EIF4ENIF1: variants seen among roughly 807,000 people sequenced by gnomAD.
EIF4ENIF1 encodes eukaryotic translation initiation factor 4E nuclear import factor 1.
A neutral mutation model predicts 110.5 loss-of-function variants in EIF4ENIF1; 23 were observed. That is an observed-to-expected ratio of 0.21 (90% CI 0.15 to 0.29). The LOEUF (loss-of-function observed/expected upper bound fraction) is 0.29. Ranked by LOEUF, EIF4ENIF1 falls within the 10% of genes least tolerant of loss-of-function variation. The pLI is 1.00. For synonymous variants in EIF4ENIF1, 440 were observed against 437.0 expected (o/e 1.01, Z -0.09); for missense variants, 1,031 against 1,221.1 (o/e 0.84, Z 2.32).
At chr22:31,470,681 A>G (rs1394106369) in intron 3 of EIF4ENIF1, among the ~76,000 whole-genome samples, 1 of 147,914 alleles carries the variant, frequency 6.8e-6, no homozygotes, top group African/African-American at 2.5e-5. Context: ...CTGGTTAAAT[A>G]GGACTTTTTT....
chr22:31,446,907 C>G (rs2050496462), intron 14 of EIF4ENIF1: 1 of 427,454 alleles, frequency 2.3e-6, no homozygotes, highest in Non-Finnish European at 4.7e-6. Context: ...GAACTCAGTA[C>G]TCTACTTGTT....
chr22:31,487,796 A>C (rs2052100293), intron 2 of EIF4ENIF1, among the ~76,000 whole-genome samples: 1 of 147,306 alleles, frequency 6.8e-6, no homozygotes, highest in East Asian at 2.0e-4. Flanking sequence ...TCGGGTGCAA[A>C]AAAAAAAAAA....
At chr22:31,452,840 C>G (rs1340170434) in intron 10 of EIF4ENIF1, among the ~76,000 whole-genome samples, 1 of 152,198 alleles carries the variant, frequency 6.6e-6, no homozygotes, top group Non-Finnish European at 1.5e-5. Flanking sequence ...AGTCAGTCTA[C>G]CTATCTGAGG....
chr22:31,491,383 C>T (rs2052275956), upstream of EIF4ENIF1, among the ~76,000 whole-genome samples: 1 of 152,098 alleles, frequency 6.6e-6, no homozygotes, highest in Non-Finnish European at 1.5e-5. Context: ...TTGGAGACTC[C>T]CTGGAGTAGT....
chr22:31,451,440 A>AT (rs746661815), intron 10 of EIF4ENIF1, among the ~76,000 whole-genome samples: 287 of 141,576 alleles, frequency 2.0e-3, no homozygotes, highest in South Asian at 4.0e-3. Flanking sequence ...CGCCCAGCTA[A>AT]TTTTTTTTTT....
intron 8 of EIF4ENIF1, among the ~76,000 whole-genome samples, 196 bp downstream of exon 8, chr22:31,455,656 C>T (rs1216115835): frequency 6.6e-6 from 1 of 152,126 alleles, no homozygotes; most frequent in Non-Finnish European, 1.5e-5. Flanking sequence ...CCTTGGCCTC[C>T]CAAAGTGCTG....
intron 3 of EIF4ENIF1, among the ~76,000 whole-genome samples, chr22:31,469,307 C>T (rs376864829): frequency 2.6e-5 from 4 of 152,196 alleles, no homozygotes; most frequent in Non-Finnish European, 2.9e-5. Flanking sequence ...ACACTAGCAA[C>T]GTACTTCACA....
At position 31,454,260 on chromosome 22, in the gene EIF4ENIF1, A is replaced by G. The variant is rs148973887; in HGVS notation, c.1396T>C (p.Leu466=). The G allele has an allele frequency of 7.0e-5, 113 of 1,614,118 alleles. No individual in the cohort carries two copies. In the African/African-American group the frequency reaches 1.3e-3, roughly 19 times the overall value. Residue 466 remains leucine (L), a synonymous_variant, in exon 10 of 19, where the codon TTG becomes CTG. Coordinates refer to ENST00000330125, the MANE Select transcript of EIF4ENIF1 (RefSeq NM_019843.4). Reference sequence around the variant, plus strand: ...TGTCGATTGTTGGTTACGGCACTCAAGGTCTCTTCTAGGTGTTCTGCCATG... The same window carrying G: ...TGTCGATTGTTGGTTACGGCACTCAGGGTCTCTTCTAGGTGTTCTGCCATG... ...PFMAEHLEET[L]SAVTNNRQLK... is the part of the protein sequence containing the mutation.
chr22:31,441,550 G>GAAAAAAAAAAAAAAAAAAAAAAAA (rs771597260), intron 17 of EIF4ENIF1, among the ~76,000 whole-genome samples: 27 of 65,246 alleles, frequency 4.1e-4, no homozygotes, highest in African/African-American at 1.5e-3. Flanking sequence ...CTACAAAAAG[G>GAAAAAAAAAAAAAAAAAAAAAAAA]AAAAAAAAAA....
intron 10 of EIF4ENIF1, among the ~76,000 whole-genome samples, chr22:31,451,440 A>ATT (rs746661815): frequency 7.1e-6 from 1 of 141,696 alleles, no homozygotes; most frequent in Non-Finnish European, 1.5e-5. Context: ...CGCCCAGCTA[A>ATT]TTTTTTTTTT....
rs775041393 is a variant in EIF4ENIF1, at chr22:31,441,918, G to A, written c.2407C>T (p.Pro803Ser). ...PTLASPVPTT[P>S]FLRPVHQVPL... ...ACTTGGTGGACAGGGCGGAGAAAAG[G>A]TGTTGTAGGAACTGGGGATGCCAAG... The change falls in exon 17 of 19, where the codon CCT (proline) becomes TCT (serine). Residue 803 changes from proline (P) to serine (S), a missense_variant. Pro to Ser is a moderately conservative substitution (Grantham distance 74, BLOSUM62 -1). Around this residue, in one of 3 missense-constraint regions of EIF4ENIF1, gnomAD observed 309 missense variants for 299.1 expected, o/e 1.03. Transcript: ENST00000330125. The A allele has an allele frequency of 6.2e-7, 1 of 1,614,192 alleles. No homozygotes were observed. Among genetic ancestry groups the A allele is most frequent in the Admixed American group, 1.7e-5 (1 of 60,020 alleles).
rs1158245562 is a variant in EIF4ENIF1, at chr22:31,468,311, CA to C, written c.171-10del. 8 of 1,613,918 alleles carry C rather than the reference CA, an allele frequency of 5.0e-6. No individual in the cohort carries two copies. The highest frequency in any genetic ancestry group is 6.8e-6 in the Non-Finnish European group (8 of 1,179,988). ...GGTCCCAGACACCATCACTACAGGT[CA>C]AAAAATACAACTGTTAGCACTTACG... On this transcript the variant is annotated splice_polypyrimidine_tract_variant and intron_variant, in intron 3 of 18. Transcript: ENST00000330125.
chr22:31,463,814 C>T lies in EIF4ENIF1; in HGVS notation c.452G>A (p.Gly151Asp). The change falls in exon 5 of 19, where the codon GGT becomes GAT. Residue 151 changes from glycine (G) to aspartate (D), a missense_variant. Physicochemically the swap from Gly to Asp is moderately conservative, Grantham distance 94. Around this residue, in one of 3 missense-constraint regions of EIF4ENIF1, gnomAD observed 704 missense variants for 879.7 expected, o/e 0.80. Coordinates refer to ENST00000330125, the MANE Select transcript of EIF4ENIF1 (RefSeq NM_019843.4). ...CCTCCCACTGCCAATCCTACGTCCA[C>T]CAAGCAGACGAAGCCCATCACTATC... ...EKDSDGLRLL[G>D]GRRIGSGRII... The T allele has an allele frequency of 6.2e-7, 1 of 1,614,126 alleles. No homozygotes were observed. Among genetic ancestry groups the T allele is most frequent in the Non-Finnish European group, 8.5e-7 (1 of 1,180,046 alleles).
intron 2 of EIF4ENIF1, among the ~76,000 whole-genome samples, chr22:31,485,900 G>A (rs1406968177): frequency 6.6e-6 from 1 of 152,112 alleles, no homozygotes; most frequent in Non-Finnish European, 1.5e-5. Flanking sequence ...TGGATCACCT[G>A]AGCTCAGGAG....
At chr22:31,493,223 G>C (rs1159747844), upstream of EIF4ENIF1, among the ~76,000 whole-genome samples, 4 of 151,474 alleles carry the variant, frequency 2.6e-5, no homozygotes, top group African/African-American at 9.7e-5. Flanking sequence ...TAGAGACAGG[G>C]TTTCACCACG....
chr22:31,468,104 AGAAT>A (rs2051250795), intron 4 of EIF4ENIF1, 67 bp downstream of exon 4: 1 of 1,571,142 alleles, frequency 6.4e-7, no homozygotes, highest in Non-Finnish European at 8.7e-7. Flanking sequence ...CTCAGAGCTA[AGAAT>A]GAAACCAGCA....
At chr22:31,476,562 A>G (rs377102268) in intron 2 of EIF4ENIF1, among the ~76,000 whole-genome samples, 3 of 152,212 alleles carry the variant, frequency 2.0e-5, no homozygotes, top group Non-Finnish European at 4.4e-5. Context: ...GGTATCCTGG[A>G]TAGAATCCTT....
In EIF4ENIF1 at chr22:31,441,794, A is replaced by T. The variant is rs2050306686; in HGVS notation, c.2531T>A (p.Leu844His). The change falls in exon 17 of 19, where the codon CTT (leucine) becomes CAT (histidine). Residue 844 changes from leucine to histidine, a missense_variant. By Grantham distance (99) the Leu-to-His change is moderately conservative (BLOSUM62 -3). This residue lies in a region of EIF4ENIF1 where 309 missense variants were observed against 299.1 expected (regional missense o/e 1.03). Coordinates refer to ENST00000330125, the MANE Select transcript of EIF4ENIF1 (RefSeq NM_019843.4). ...MLAQGVHPQH[L>H]PSLLQTGVLP... is the part of the protein sequence containing the mutation. The stretch of plus-strand genomic sequence containing the variant: ...CTCACCAGTTTGGAGCAAACTTGGA[A>T]GATGCTGTGGATGTACTCCCTGGGC... 6.2e-7 allele frequency: 1 copy of T among 1,611,546 alleles called. No homozygotes were observed. The highest frequency in any genetic ancestry group is 1.3e-5 in the African/African-American group (1 of 74,966).
At chr22:31,484,820 G>A (rs1465334341) in intron 2 of EIF4ENIF1, among the ~76,000 whole-genome samples, 2 of 152,184 alleles carry the variant, frequency 1.3e-5, no homozygotes, top group Non-Finnish European at 2.9e-5. Context: ...CAACAAGAGT[G>A]AAACTCCACC....
Sources: gnomAD v4.1 joint callset for allele counts (sites outside exome capture counted in the v4.1 genomes callset) on GRCh38, gnomAD v4.1.1 for gene constraint, gnomAD v4.1.1 regional missense constraint, MANE v1.5 for transcripts, NCBI Gene and HGNC (gene_info 2026-07-23, HGNC 2026-07-21) for gene names.